The following SIRT3 variants were observed in gnomAD, a reference collection of about 807,000 sequenced individuals.
SIRT3 encodes the protein NAD-dependent protein deacetylase sirtuin-3, mitochondrial.
Under a neutral mutation model 33.5 loss-of-function variants are expected in SIRT3, and 26 were observed. The observed-to-expected ratio is 0.78, with a 90% CI of 0.57 to 1.08. SIRT3 has a LOEUF of 1.08. Ranked by LOEUF, SIRT3 falls within the 50% of genes least tolerant of loss-of-function variation. The pLI, the probability that SIRT3 is intolerant of heterozygous loss-of-function variation, is 0.00. For synonymous variants in SIRT3, 237 were observed against 222.1 expected, an observed-to-expected ratio of 1.07 and a Z score of -0.60; for missense variants, 585 against 530.1, an observed-to-expected ratio of 1.10 and a Z score of -1.02.
intron 5 of SIRT3, among the ~76,000 whole-genome samples, chr11:221,214 G>A (rs1856401016): frequency 6.6e-6 from 1 of 152,198 alleles, no homozygotes; most frequent in Non-Finnish European, 1.5e-5. Flanking sequence ...AAATTCCTGG[G>A]CTCAAGCAAT....
At position 218,980 on chromosome 11, in the gene SIRT3, T is replaced by C. The variant is rs780135795; in HGVS notation, c.1031A>G (p.Asn344Ser). ...VRSSVPRLLI[N>S]RDLVGPLAWH... ...AGCCAAGGGCCCCACCAAGTCCCGG[T>C]TGATGAGCAGTCGGGGAACTGAGCT... The change falls in exon 6 of 7, where the codon AAC becomes AGC. Residue 344 changes from asparagine to serine, a missense_variant. By Grantham distance (46) the Asn-to-Ser change is conservative. Transcript: ENST00000382743. 5 of 1,614,014 alleles carry C rather than the reference T, an allele frequency of 3.1e-6. No homozygotes were observed. The highest frequency in any genetic ancestry group is 1.3e-5 in the African/African-American group (1 of 74,914).
rs200076829 is a variant in SIRT3, at chr11:218,855, G to C, written c.1156C>G (p.Leu386Val). 1.2e-5 allele frequency: 19 copies of C among 1,614,064 alleles called. No homozygotes were observed. The highest frequency in any genetic ancestry group is 1.1e-4 in the East Asian group (5 of 44,888). The change falls in exon 6 of 7, where the codon CTT becomes GTT. Residue 386 changes from leucine (L) to valine (V), a missense_variant. By Grantham distance (32) the Leu-to-Val change is conservative. Transcript: ENST00000382743. Reference sequence around the variant, plus strand: ...ACCTTCCCAGTTTCCCGCTGCACAAGGTCCCGCATCTCTTCTGTCCAGCCC... The same window carrying C: ...ACCTTCCCAGTTTCCCGCTGCACAACGTCCCGCATCTCTTCTGTCCAGCCC... ...LLGWTEEMRD[L>V]VQRETGKLDG...
At position 215,320 on chromosome 11, in the gene SIRT3, A is replaced by T. The variant is rs1342123967; in HGVS notation, c.*1378T>A. On this transcript the variant is annotated 3_prime_UTR_variant, in exon 7 of 7. Coordinates refer to ENST00000382743, the MANE Select transcript of SIRT3 (RefSeq NM_012239.6). The stretch of plus-strand genomic sequence containing the variant: ...ACCTGTAATCCCAGCTACCCAGGAG[A>T]ATCGCTTAAACCCGGGAGGCGGAAG... The T allele has an allele frequency of 6.6e-6, 1 of 152,174 alleles. No individual in the cohort carries two copies. Among genetic ancestry groups the T allele is most frequent in the Admixed American group, 6.5e-5 (1 of 15,272 alleles). The allele number at this position is 152,174 out of a possible 1,614,324, so 9.4% of individuals were successfully genotyped here. A position where few individuals can be genotyped will look rare whatever the true frequency, so the allele number is the denominator to read the frequency against.
rs1856725181 is a variant in SIRT3, at chr11:223,607, C to T, written c.969+471G>A. On this transcript the variant is annotated intron_variant, in intron 5 of 6. Transcript: ENST00000382743. The surrounding 1 kb of genome is among the most constrained non-coding windows in gnomAD (Gnocchi z 4.8). ...CCTGGGAGGCCCTGCCCCTCCACCT[C>T]GCCCCCACACCCCCATCCTTCTCCC... 1.1e-5 allele frequency: 5 copies of T among 437,736 alleles called. No homozygotes were observed. Among genetic ancestry groups the T allele is most frequent in the African/African-American group, 4.1e-5 (2 of 48,346 alleles). The allele number at this position is 437,736 out of a possible 1,614,324, so 27.1% of individuals were successfully genotyped here. A position where few individuals can be genotyped will look rare whatever the true frequency, so the allele number is the denominator to read the frequency against.
At chr11:236,624 A>G (rs1859207262), upstream of SIRT3, 1 of 207,876 alleles carries the variant, frequency 4.8e-6, no homozygotes, top group Non-Finnish European at 1.0e-5. Flanking sequence ...ACCTTTTTCA[A>G]CCCGGATGGC....
intron 6 of SIRT3, among the ~76,000 whole-genome samples, chr11:217,150 T>C (rs1202232577): frequency 1.3e-5 from 2 of 152,238 alleles, no homozygotes; most frequent in Non-Finnish European, 2.9e-5. Context: ...TCTGCTTTTC[T>C]ATGAAAACAG....
chr11:231,698 T>C (rs1392817178), intron 3 of SIRT3, among the ~76,000 whole-genome samples: 1 of 152,118 alleles, frequency 6.6e-6, no homozygotes, highest in Admixed American at 6.5e-5. Context: ...AGCTCCCACC[T>C]TCCCACAAGG....
In SIRT3 at chr11:223,613, C is replaced by A; in HGVS notation, c.969+465G>T. ...AGGCCCTGCCCCTCCACCTCGCCCC[C>A]ACACCCCCATCCTTCTCCCTTCTCC... On this transcript the variant is annotated intron_variant, in intron 5 of 6. Transcript: ENST00000382743. This position sits in a 1 kb window ranked among gnomAD's most constrained non-coding sequence, Gnocchi z 4.8. 2.2e-6 allele frequency: 1 copy of A among 462,420 alleles called. No individual in the cohort carries two copies. The highest frequency in any genetic ancestry group is 4.0e-6 in the Non-Finnish European group (1 of 247,508). 28.6% of individuals were successfully genotyped at this position (462,420 alleles called of 1,614,324 possible).
Position 216,582 on chromosome 11 carries a change from C to G in SIRT3, c.*116G>C. 3 of 1,147,078 alleles carry G rather than the reference C, an allele frequency of 2.6e-6. No homozygotes were observed. The highest frequency in any genetic ancestry group is 2.6e-5 in the South Asian group (2 of 76,870). The allele number at this position is 1,147,078 out of a possible 1,614,324, so 71.1% of individuals were successfully genotyped here. ...CCAGTGGCAGCCTCGGGTGTCCACT[C>G]AGTTCACATATTCTGGTTTCACCTG... On this transcript the variant is annotated 3_prime_UTR_variant, in exon 7 of 7. Transcript: ENST00000382743.
intron 3 of SIRT3, 72 bp downstream of exon 3, chr11:232,911 C>T (rs983767857): frequency 2.1e-6 from 3 of 1,450,200 alleles, no homozygotes; most frequent in Non-Finnish European, 2.9e-6. Context: ...GGCACCCGAG[C>T]CTCCCTGGGA....
At chr11:226,748 A>ATTTTTTTTTTTTT (rs1338857472) in intron 4 of SIRT3, among the ~76,000 whole-genome samples, 1 of 84,622 alleles carries the variant, frequency 1.2e-5, no homozygotes. Flanking sequence ...GCCTACAATT[A>ATTTTTTTTTTTTT]TTATTATTAT....
At chr11:231,389 C>T (rs1246832562) in intron 3 of SIRT3, among the ~76,000 whole-genome samples, 1 of 152,190 alleles carries the variant, frequency 6.6e-6, no homozygotes, top group East Asian at 1.9e-4. Context: ...GAGCTATGAT[C>T]ATGCCACTGC....
At position 223,606 on chromosome 11, in the gene SIRT3, T is replaced by TCC; in HGVS notation, c.969+471_969+472insGG. On this transcript the variant is annotated intron_variant, in intron 5 of 6. Transcript: ENST00000382743. This position sits in a 1 kb window ranked among gnomAD's most constrained non-coding sequence, Gnocchi z 4.8. The stretch of plus-strand genomic sequence containing the variant: ...ACCTGGGAGGCCCTGCCCCTCCACC[T>TCC]CGCCCCCACACCCCCATCCTTCTCC... 2.9e-6 allele frequency: 1 copy of TCC among 349,638 alleles called. No homozygotes were observed. Among genetic ancestry groups the TCC allele is most frequent in the South Asian group, 2.2e-5 (1 of 45,240 alleles). 21.7% of individuals were successfully genotyped at this position (349,638 alleles called of 1,614,324 possible).
chr11:236,820 A>G (rs1006264044), upstream of SIRT3: 39 of 576,464 alleles, frequency 6.8e-5, no homozygotes, highest in Non-Finnish European at 9.3e-5. Flanking sequence ...TGACGCCTCA[A>G]TGGCACAGCC....
At chr11:216,802 T>C in intron 6 of SIRT3, 84 bp from the exon 7 acceptor site, 1 of 1,386,524 alleles carries the variant, frequency 7.2e-7, no homozygotes, top group Non-Finnish European at 1.0e-6. Context: ...CAGCTCTAGC[T>C]GCAGACATGC....
At chr11:219,217 T>G (rs542238323) in intron 5 of SIRT3, among the ~76,000 whole-genome samples, 176 bp from the exon 6 acceptor site, 1 of 152,230 alleles carries the variant, frequency 6.6e-6, no homozygotes, top group African/African-American at 2.4e-5. Context: ...CCGCTTGGCC[T>G]CCGTGACGGT....
rs1242440437 is a variant in SIRT3, at chr11:216,636, G to T, written c.*62C>A. 14 of 1,593,564 alleles carry T rather than the reference G, an allele frequency of 8.8e-6. No individual in the cohort carries two copies. The highest frequency in any genetic ancestry group is 1.7e-5 in the Admixed American group (1 of 59,904). The stretch of plus-strand genomic sequence containing the variant: ...AAGCTGTCTTCAGGCATGAGGTCTT[G>T]TCAGAATTGGGATGTGGATGTCTCC... On this transcript the variant is annotated 3_prime_UTR_variant, in exon 7 of 7. Coordinates refer to ENST00000382743, the MANE Select transcript of SIRT3 (RefSeq NM_012239.6).
chr11:216,779 ATC>A, intron 6 of SIRT3, 61 bp from the exon 7 acceptor site: 1 of 1,577,384 alleles, frequency 6.3e-7, no homozygotes. Flanking sequence ...AGGCCAGCAG[ATC>A]TCTGTTCAAA....
intron 3 of SIRT3, among the ~76,000 whole-genome samples, chr11:230,935 C>A (rs1206779112): frequency 2.0e-5 from 3 of 152,180 alleles, no homozygotes; most frequent in African/African-American, 7.2e-5. Flanking sequence ...ACCGGCCTGG[C>A]CATCATGGTG....
Sources: allele counts gnomAD v4.1 joint callset (sites outside exome capture counted in the v4.1 genomes callset), GRCh38; gene constraint gnomAD v4.1.1; non-coding constraint Gnocchi (gnomAD v3.1); transcripts MANE v1.5; gene names NCBI Gene and HGNC (gene_info 2026-07-23, HGNC 2026-07-21).